BAALC: variants seen among roughly 807,000 people sequenced by gnomAD.
BAALC encodes the protein BAALC binder of MAP3K1 and KLF4, also known as brain and acute leukemia cytoplasmic protein.
BAALC carries 9 observed loss-of-function variants against 15.5 expected under a neutral mutation model. The ratio of observed to expected loss-of-function variants is 0.58; its 90% confidence interval spans 0.35 to 1.02. BAALC has a LOEUF of 1.02. BAALC is among the 50% of genes least tolerant of loss of function. The probability of loss-of-function intolerance (pLI) is 0.02; values close to 1 mark genes in which losing one functional copy is unlikely to be tolerated. For synonymous variants in BAALC, 80 were observed against 74.6 expected (o/e 1.07, Z -0.37); for missense variants, 201 against 192.4 (o/e 1.04, Z -0.27).
Position 103,212,412 on chromosome 8 carries a change from C to T in BAALC, c.161-507C>T, listed in dbSNP as rs146998105. On this transcript the variant is annotated intron_variant, in intron 1 of 2. Transcript: ENST00000309982. ...GCAGCAAACTATGATCATGCCACTA[C>T]ACTCCAGCCTAGGCAACAGAGTGAG... Among the ~76,000 whole-genome samples the T allele has an allele frequency of 5.9e-5, 9 of 152,282 alleles. No homozygotes were observed. The East Asian group carries it at 1.7e-3, about 29-fold the overall frequency.
intron 1 of BAALC, chr8:103,183,234 C>T: frequency 1.5e-6 from 1 of 654,906 alleles, no homozygotes; most frequent in Non-Finnish European, 2.8e-6. Flanking sequence ...GGGTGGACAC[C>T]AGCAAGATGG....
intron 2 of BAALC, 178 bp downstream of exon 2, chr8:103,213,263 C>T (rs1338068983): frequency 1.6e-6 from 1 of 627,624 alleles, no homozygotes; most frequent in Admixed American, 3.0e-5. Flanking sequence ...AAAACCCTGC[C>T]TTGAGGGTTG....
intron 1 of BAALC, among the ~76,000 whole-genome samples, chr8:103,144,748 A>C (rs1336737626): frequency 6.6e-6 from 1 of 152,230 alleles, no homozygotes; most frequent in African/African-American, 2.4e-5. Flanking sequence ...TCATTGTCTT[A>C]GTATAATAGA....
intron 1 of BAALC, among the ~76,000 whole-genome samples, chr8:103,149,884 A>C (rs1810948101): frequency 6.6e-6 from 1 of 152,184 alleles, no homozygotes; most frequent in Non-Finnish European, 1.5e-5. Context: ...AAGCCCCCAC[A>C]ACAGGCTCAG....
chr8:103,177,815 C>T (rs1364266896), intron 1 of BAALC, among the ~76,000 whole-genome samples: 1 of 152,144 alleles, frequency 6.6e-6, no homozygotes, highest in African/African-American at 2.4e-5. Flanking sequence ...AAATAATATA[C>T]CGTAAAATTT....
At chr8:103,213,667 TG>T (rs1451726275) in intron 2 of BAALC, 2 of 153,048 alleles carry the variant, frequency 1.3e-5, no homozygotes, top group Admixed American at 6.5e-5. Flanking sequence ...GATCCTCTTA[TG>T]GGTACAGGAG....
intron 1 of BAALC, among the ~76,000 whole-genome samples, chr8:103,155,083 T>C (rs1266554106): frequency 6.6e-6 from 1 of 152,100 alleles, no homozygotes; most frequent in Non-Finnish European, 1.5e-5. Flanking sequence ...CCACAAGTCA[T>C]GTAACTTCAT....
intron 1 of BAALC, among the ~76,000 whole-genome samples, chr8:103,146,016 C>A (rs1355471667): frequency 2.0e-5 from 3 of 152,058 alleles, no homozygotes; most frequent in Non-Finnish European, 2.9e-5. Context: ...TAAAAGACAT[C>A]TTTTTTTGCT....
chr8:103,226,569 A>G (rs1812811169), intron 2 of BAALC, among the ~76,000 whole-genome samples: 1 of 152,226 alleles, frequency 6.6e-6, no homozygotes. Context: ...GCACACAATC[A>G]CAAGAATAGG....
At chr8:103,187,732 G>A (rs1000957585) in intron 1 of BAALC, among the ~76,000 whole-genome samples, 4 of 152,140 alleles carry the variant, frequency 2.6e-5, no homozygotes, top group Non-Finnish European at 4.4e-5. Context: ...ACTGGGTAAG[G>A]CTTGCTGGGC....
At chr8:103,216,121 C>T (rs7836621) in intron 2 of BAALC, among the ~76,000 whole-genome samples, 2,685 of 152,250 alleles carry the variant, frequency 0.018, 77 homozygotes, top group African/African-American at 0.062. Context: ...TCATTTTCAT[C>T]GTTATGTATA....
intron 1 of BAALC, among the ~76,000 whole-genome samples, chr8:103,186,549 C>T (rs1811842538): frequency 2.0e-5 from 3 of 152,160 alleles, no homozygotes; most frequent in Admixed American, 2.0e-4. Flanking sequence ...AAGCTCAATG[C>T]CTGCCCCAAT....
At chr8:103,166,492 C>T (rs1034863559) in intron 1 of BAALC, among the ~76,000 whole-genome samples, 2 of 151,980 alleles carry the variant, frequency 1.3e-5, no homozygotes, top group African/African-American at 4.8e-5. Context: ...TGGGAGACAA[C>T]GGGCCTGAGG....
intron 1 of BAALC, among the ~76,000 whole-genome samples, chr8:103,183,992 T>A (rs1480197777): frequency 6.6e-6 from 1 of 152,220 alleles, no homozygotes; most frequent in East Asian, 1.9e-4. Context: ...CAGAGCTGCA[T>A]GCCCTACTGG....
At chr8:103,226,272 C>T (rs924234256) in intron 2 of BAALC, among the ~76,000 whole-genome samples, 1 of 152,192 alleles carries the variant, frequency 6.6e-6, no homozygotes, top group African/African-American at 2.4e-5. Context: ...CTTCAGCGAC[C>T]CCTGCTCCAT....
intron 1 of BAALC, among the ~76,000 whole-genome samples, chr8:103,196,283 A>G (rs530484511): frequency 6.7e-6 from 1 of 149,304 alleles, no homozygotes; most frequent in East Asian, 1.9e-4. Context: ...TTTTGTTGTT[A>G]TTGTTATCGT....
At chr8:103,184,170 T>G (rs554824425) in intron 1 of BAALC, among the ~76,000 whole-genome samples, 1 of 152,338 alleles carries the variant, frequency 6.6e-6, no homozygotes, top group South Asian at 2.1e-4. Context: ...GGTTCCCTCT[T>G]TTACCTTTAA....
intron 1 of BAALC, among the ~76,000 whole-genome samples, chr8:103,170,725 C>T (rs927021667): frequency 6.6e-6 from 1 of 152,160 alleles, no homozygotes; most frequent in African/African-American, 2.4e-5. Context: ...TTCAATCACC[C>T]AGTTTTTGGT....
In BAALC at chr8:103,226,051, T is replaced by C. The variant is rs1409668909; in HGVS notation, c.328-1938T>C. ...CAGGGGCCATGTTGTTTGAAAAATGTGCATCTCTCAACACCCAGCACAAGG... is the reference window on the plus strand; with the variant it reads ...CAGGGGCCATGTTGTTTGAAAAATGCGCATCTCTCAACACCCAGCACAAGG... On this transcript the variant is annotated intron_variant, in intron 2 of 2. Coordinates refer to ENST00000309982, the MANE Select transcript of BAALC (RefSeq NM_024812.3). 5.3e-5 allele frequency among the ~76,000 whole-genome samples: 8 copies of C among 152,210 alleles called. No individual in the cohort carries two copies. In the East Asian group the frequency reaches 1.5e-3, roughly 29 times the overall value.
Sources: allele counts gnomAD v4.1 joint callset (sites outside exome capture counted in the v4.1 genomes callset), GRCh38; gene constraint gnomAD v4.1.1; transcripts MANE v1.5; gene names NCBI Gene and HGNC (gene_info 2026-07-23, HGNC 2026-07-21).